Variants in AKNA observed in about 807,000 individuals in gnomAD.
AKNA encodes microtubule organization protein AKNA.
A neutral mutation model predicts 138.8 loss-of-function variants in AKNA; 67 were observed. That is an observed-to-expected ratio of 0.48 (90% confidence interval 0.40 to 0.59). AKNA has a LOEUF of 0.59. Ranked by LOEUF, AKNA falls within the 20% of genes least tolerant of loss-of-function variation. The probability of loss-of-function intolerance (pLI) is 0.00; values close to 1 mark genes in which losing one functional copy is unlikely to be tolerated. For synonymous variants in AKNA, 737 were observed against 754.4 expected, an observed-to-expected ratio of 0.98 and a Z score of 0.38; for missense variants, 1,813 against 1,880.4, an observed-to-expected ratio of 0.96 and a Z score of 0.66.
At chr9:114,333,829 G>A (rs1333741274), downstream of AKNA, among the ~76,000 whole-genome samples, 1 of 150,956 alleles carries the variant, frequency 6.6e-6, no homozygotes, top group African/African-American at 2.5e-5. Context: ...GAGTGGAGGT[G>A]TGATATTGTT....
At chr9:114,356,809 C>G (rs370380312) in intron 13 of AKNA, 54 bp downstream of exon 13, 12 of 1,450,206 alleles carry the variant, frequency 8.3e-6, no homozygotes, top group Middle Eastern at 2.1e-4. Context: ...CTGTGATTCC[C>G]AGGCTGTCCC....
chr9:114,343,790 A>C lies in AKNA; in HGVS notation c.3675T>G (p.His1225Gln). The change falls in exon 19 of 22, where the codon CAT (histidine) becomes CAG (glutamine). Residue 1225 changes from histidine (H) to glutamine (Q), a missense_variant. Transcript: ENST00000374088. Reference protein sequence around the residue: ...FRGQYTGHEYHVLSPKAVPKG... With the variant: ...FRGQYTGHEYQVLSPKAVPKG... ...TTGGGACCGCCTTAGGGGACAGAAC[A>C]TGGTATTCGTGGCCTGGGGAAAGAA... 6.2e-7 allele frequency: 1 copy of C among 1,608,754 alleles called. No homozygotes were observed.
chr9:114,393,602 G>A (rs976560893), intron 1 of AKNA, among the ~76,000 whole-genome samples: 24 of 152,090 alleles, frequency 1.6e-4, no homozygotes, highest in African/African-American at 4.1e-4. Flanking sequence ...GCAGTGTCCC[G>A]TAACAGGTGA....
rs376492448 is a variant in AKNA at position 114,342,083 on chromosome 9, T to C, written c.3800A>G (p.Asp1267Gly). 3.7e-6 allele frequency: 6 copies of C among 1,612,152 alleles called. No homozygotes were observed. Among genetic ancestry groups the C allele is most frequent in the South Asian group, 1.1e-5 (1 of 90,866 alleles). The change falls in exon 20 of 22, where the codon GAT becomes GGT. Residue 1267 changes from aspartate to glycine, a missense_variant. By Grantham distance (94) the Asp-to-Gly change is moderately conservative. Transcript: ENST00000374088. ...TGDPLGPPPA[D>G]TLQCPLCGQV... Reference sequence around the variant, plus strand: ...ACCACACAGGGGACACTGAAGGGTATCAGCGGGAGGCGGTCCCAGTGGGTC... The same window carrying C: ...ACCACACAGGGGACACTGAAGGGTACCAGCGGGAGGCGGTCCCAGTGGGTC...
chr9:114,330,685 G>A, downstream of AKNA: 1 of 1,601,906 alleles, frequency 6.2e-7, no homozygotes, highest in Non-Finnish European at 8.5e-7. Context: ...AACCGGGAGG[G>A]TTGGCTTTAA....
At chr9:114,393,810 A>G (rs1834442117) in intron 1 of AKNA, among the ~76,000 whole-genome samples, 1 of 152,070 alleles carries the variant, frequency 6.6e-6, no homozygotes, top group African/African-American at 2.4e-5. Flanking sequence ...GAGGAGGAAG[A>G]AAGGAAGGAG....
At chr9:114,346,144 C>G (rs749043964) in intron 17 of AKNA, 135 bp from the exon 18 acceptor site, 1 of 894,546 alleles carries the variant, frequency 1.1e-6, no homozygotes. Context: ...TTAGGAGTAA[C>G]AGCTGGCATT....
intron 14 of AKNA, among the ~76,000 whole-genome samples, chr9:114,354,450 A>G (rs574177660): frequency 1.4e-3 from 213 of 152,320 alleles, no homozygotes; most frequent in African/African-American, 4.8e-3. Context: ...GCGGTGGCTC[A>G]CGCCTGTAAT....
intron 1 of AKNA, among the ~76,000 whole-genome samples, chr9:114,382,527 G>A (rs2132101493): frequency 6.7e-6 from 1 of 150,112 alleles, no homozygotes; most frequent in Admixed American, 6.6e-5. Flanking sequence ...AAGCTGCAGT[G>A]AGCCATGACA....
intron 19 of AKNA, 98 bp from the exon 20 acceptor site, chr9:114,342,223 G>A: frequency 1.2e-6 from 1 of 855,402 alleles, no homozygotes; most frequent in Non-Finnish European, 1.8e-6. Flanking sequence ...CTCTCCTCGG[G>A]ACCCACTGCG....
intron 21 of AKNA, among the ~76,000 whole-genome samples, chr9:114,340,648 G>A (rs1830279215): frequency 6.6e-6 from 1 of 152,152 alleles, no homozygotes; most frequent in African/African-American, 2.4e-5. Flanking sequence ...GCTCTGAGAG[G>A]AAGTTAGTTT....
intron 1 of AKNA, among the ~76,000 whole-genome samples, chr9:114,393,382 AT>A (rs71492776): frequency 0.21 from 29,384 of 140,140 alleles, 3,242 homozygotes; most frequent in East Asian, 0.33. Context: ...CGCCCAGCTA[AT>A]TTTTTTTTTT....
At chr9:114,382,092 T>A (rs956807883) in intron 1 of AKNA, among the ~76,000 whole-genome samples, 3 of 152,178 alleles carry the variant, frequency 2.0e-5, no homozygotes, top group Non-Finnish European at 4.4e-5. Context: ...GCCCTGCTCA[T>A]GGGAGAACTG....
chr9:114,331,921 T>C (rs1166875233), downstream of AKNA: 18 of 1,613,432 alleles, frequency 1.1e-5, no homozygotes, highest in Non-Finnish European at 1.5e-5. Context: ...GTACACCGAC[T>C]GGAAAAAGGT....
intron 9 of AKNA, among the ~76,000 whole-genome samples, chr9:114,360,808 C>T (rs984036394): frequency 1.3e-5 from 2 of 152,168 alleles, no homozygotes; most frequent in Non-Finnish European, 2.9e-5. Flanking sequence ...TCAATTTGCT[C>T]GCCTGCAAAA....
intron 17 of AKNA, among the ~76,000 whole-genome samples, 200 bp from the exon 18 acceptor site, chr9:114,346,209 G>A (rs1830676828): frequency 6.6e-6 from 1 of 152,190 alleles, no homozygotes; most frequent in Non-Finnish European, 1.5e-5. Flanking sequence ...TGTGTGCCGT[G>A]TTGGGCACCT....
rs1437131212 is a variant in AKNA at position 114,376,709 on chromosome 9, G to C, written c.1098C>G (p.Pro366=). 1 of 1,612,840 alleles carries C rather than the reference G, an allele frequency of 6.2e-7. No homozygotes were observed. The highest frequency in any genetic ancestry group is 1.1e-5 in the South Asian group (1 of 90,942). ...TCTCATCTTTGGGGAATCTCACCCG[G>C]GGCCCTACCTTGGAGAAATCAGGGA... The part of the protein sequence containing the change: ...YPLPDFSKVG[P]RVRFPKDESY... The change falls in exon 3 of 22, where the codon CCC becomes CCG. Residue 366 remains proline, a synonymous_variant. Coordinates refer to ENST00000374088, the MANE Select transcript of AKNA (RefSeq NM_001317950.2).
In AKNA at chr9:114,377,466, T is replaced by C; in HGVS notation, c.341A>G (p.Gln114Arg). 1.9e-6 allele frequency: 3 copies of C among 1,613,246 alleles called. No individual in the cohort carries two copies. The highest frequency in any genetic ancestry group is 2.5e-6 in the Non-Finnish European group (3 of 1,179,814). The change falls in exon 3 of 22, where the codon CAG (glutamine) becomes CGG (arginine). Residue 114 changes from glutamine (Q) to arginine (R), a missense_variant. Physicochemically the swap from Gln to Arg is conservative, Grantham distance 43 (BLOSUM62 1). Coordinates refer to ENST00000374088, the MANE Select transcript of AKNA (RefSeq NM_001317950.2). ...TTCAGTCATGTCCAGCTGACGGCCC[T>C]GCTGGGGGAGCCAGGCAAGAGGCTC... ...SHEPLAWLPQ[Q>R]GRQLDMTEEE...
downstream of AKNA, chr9:114,330,924 G>T (rs553845991): frequency 7.0e-7 from 1 of 1,421,926 alleles, no homozygotes; most frequent in Admixed American, 1.7e-5. Context: ...AGCATAAGGT[G>T]GGGGCTGGAT....
Sources: gnomAD v4.1 joint callset for allele counts (sites outside exome capture counted in the v4.1 genomes callset) on GRCh38, gnomAD v4.1.1 for gene constraint, MANE v1.5 for transcripts, NCBI Gene and HGNC (gene_info 2026-07-23, HGNC 2026-07-21) for gene names.